Variants in PEAK1 observed in about 807,000 individuals in gnomAD.
The protein encoded by PEAK1 is pseudopodium enriched atypical kinase 1.
Under a neutral mutation model 124.7 loss-of-function variants are expected in PEAK1, and 54 were observed. The observed-to-expected ratio is 0.43, with a 90% CI of 0.35 to 0.54. PEAK1 has a LOEUF of 0.54. Among genes scored for constraint, PEAK1 ranks in the 20% least tolerant of loss-of-function variants. PEAK1 has a pLI of 0.01. For synonymous variants in PEAK1, 719 were observed against 760.0 expected, an observed-to-expected ratio of 0.95 and a Z score of 0.89; for missense variants, 2,046 against 2,134.5, an observed-to-expected ratio of 0.96 and a Z score of 0.82.
chr15:77,196,632 T>C (rs928796863), intron 6 of PEAK1, among the ~76,000 whole-genome samples: 1 of 152,164 alleles, frequency 6.6e-6, no homozygotes, highest in Non-Finnish European at 1.5e-5. Flanking sequence ...GCATGTTAAC[T>C]GGTATACAGC....
At chr15:77,274,512 C>T (rs563438554) in intron 5 of PEAK1, among the ~76,000 whole-genome samples, 1 of 151,988 alleles carries the variant, frequency 6.6e-6, no homozygotes, top group Admixed American at 6.6e-5. Flanking sequence ...TGAAACAGTG[C>T]TCAACATCAC....
At chr15:77,154,056 C>T (rs1175186417) in intron 8 of PEAK1, among the ~76,000 whole-genome samples, 1 of 152,126 alleles carries the variant, frequency 6.6e-6, no homozygotes, top group Non-Finnish European at 1.5e-5. Context: ...CTTTCTGTCT[C>T]GTTGATCTGT....
chr15:77,417,522 G>A (rs545590563), intron 1 of PEAK1: 191 of 984,872 alleles, frequency 1.9e-4, no homozygotes, highest in Non-Finnish European at 2.2e-4. Context: ...ACAGAATAAC[G>A]CTCATCACAC....
At chr15:77,194,297 T>C (rs567028215) in intron 6 of PEAK1, among the ~76,000 whole-genome samples, 1 of 152,354 alleles carries the variant, frequency 6.6e-6, no homozygotes, top group South Asian at 2.1e-4. Flanking sequence ...GTATATTTTG[T>C]GTCCCAGTTC....
chr15:77,273,870 T>G (rs769117371), intron 5 of PEAK1, among the ~76,000 whole-genome samples: 1 of 152,082 alleles, frequency 6.6e-6, no homozygotes, highest in Admixed American at 6.6e-5. Flanking sequence ...ATTACCCAAC[T>G]TCAAACGATA....
At chr15:77,343,335 G>A (rs567710087) in intron 2 of PEAK1, among the ~76,000 whole-genome samples, 91 of 152,104 alleles carry the variant, frequency 6.0e-4, no homozygotes, top group Admixed American at 2.4e-3. Flanking sequence ...GTGAGTTATA[G>A]GAATTTTTTT....
At chr15:77,129,599 C>CTTTTTTTTTTTT (rs148499293) in intron 9 of PEAK1, among the ~76,000 whole-genome samples, 1 of 130,004 alleles carries the variant, frequency 7.7e-6, no homozygotes. Flanking sequence ...CAATGACTGG[C>CTTTTTTTTTTTT]TATTTTTTTT....
At chr15:77,343,436 G>A (rs1406367781) in intron 2 of PEAK1, among the ~76,000 whole-genome samples, 1 of 148,730 alleles carries the variant, frequency 6.7e-6, no homozygotes, top group Non-Finnish European at 1.5e-5. Context: ...TGTTAATAGT[G>A]TCCTTTGATG....
chr15:77,215,256 T>C (rs1022858737), intron 6 of PEAK1, among the ~76,000 whole-genome samples: 1 of 152,204 alleles, frequency 6.6e-6, no homozygotes, highest in African/African-American at 2.4e-5. Context: ...GCTTACTGAG[T>C]TGTAAAACTT....
rs74481027 is a variant in PEAK1, at chr15:77,245,363, G to GA, written c.-115+7003dup. ...GAGCAAGACTCTGTCTCAAATAATT[G>GA]AAAAAAAAAAAAGGATGTCTAACTC... On this transcript the variant is annotated intron_variant, in intron 6 of 9. Transcript: ENST00000682557. Among the ~76,000 whole-genome samples the GA allele has an allele frequency of 7.6e-3, 1,021 of 134,340 alleles. 4 individuals carry two copies. The highest frequency in any genetic ancestry group is 1.0e-2 in the Non-Finnish European group (615 of 61,508). The allele number at this position is 134,340 out of a possible 152,430, so 88.1% of individuals were successfully genotyped here.
chr15:77,263,683 G>A (rs2061561335), intron 5 of PEAK1, among the ~76,000 whole-genome samples: 1 of 152,110 alleles, frequency 6.6e-6, no homozygotes, highest in African/African-American at 2.4e-5. Flanking sequence ...GGTACAAGGA[G>A]GAGCTGGTAC....
At chr15:77,311,884 T>C (rs1021979990) in intron 2 of PEAK1, among the ~76,000 whole-genome samples, 2 of 152,036 alleles carry the variant, frequency 1.3e-5, no homozygotes, top group Non-Finnish European at 2.9e-5. Flanking sequence ...CTAGAGACTA[T>C]GCAGAGCCAA....
intron 2 of PEAK1, among the ~76,000 whole-genome samples, chr15:77,298,036 G>T (rs1254869989): frequency 3.4e-5 from 4 of 118,468 alleles, no homozygotes; most frequent in Admixed American, 3.1e-4. Context: ...CTGCAGTCCG[G>T]CCTGGGCGAC....
chr15:77,376,127 A>C (rs1428553796), intron 1 of PEAK1, among the ~76,000 whole-genome samples: 1 of 151,976 alleles, frequency 6.6e-6, no homozygotes, highest in Non-Finnish European at 1.5e-5. Flanking sequence ...CACATAACAA[A>C]AAAGAAAATG....
chr15:77,236,591 G>A (rs1033791686), intron 6 of PEAK1, among the ~76,000 whole-genome samples: 4 of 152,082 alleles, frequency 2.6e-5, no homozygotes, highest in Admixed American at 6.6e-5. Flanking sequence ...CTTTGGAGTC[G>A]GGCTTTTGAG....
At chr15:77,307,841 T>C (rs1284116368) in intron 2 of PEAK1, among the ~76,000 whole-genome samples, 1 of 152,022 alleles carries the variant, frequency 6.6e-6, no homozygotes, top group Non-Finnish European at 1.5e-5. Context: ...TCTCAAATTT[T>C]GAGTATATAG....
Position 77,113,855 on chromosome 15 carries a change from C to T in PEAK1, c.*301G>A. On this transcript the variant is annotated 3_prime_UTR_variant, in exon 10 of 10. Transcript: ENST00000682557. ...CTGAGTTCATACCAAAGAAGCTGTC[C>T]CTTCAAGAATATGGATTTTCATTTT... 1 of 362,550 alleles carries T rather than the reference C, an allele frequency of 2.8e-6. No homozygotes were observed. The highest frequency in any genetic ancestry group is 4.4e-5 in the South Asian group (1 of 22,566). 22.5% of individuals were successfully genotyped at this position (362,550 alleles called of 1,614,324 possible). A position where few individuals can be genotyped will look rare whatever the true frequency, so the allele number is the denominator to read the frequency against.
chr15:77,415,975 T>C (rs1403905147), intron 1 of PEAK1, among the ~76,000 whole-genome samples: 1 of 152,208 alleles, frequency 6.6e-6, no homozygotes, highest in Non-Finnish European at 1.5e-5. Flanking sequence ...GTTGAAAACA[T>C]TGTACCCCTC....
rs1208415220 is a variant in PEAK1 at position 77,181,486 on chromosome 15, A to C, written c.441T>G (p.Asn147Lys). 1.2e-6 allele frequency: 2 copies of C among 1,614,106 alleles called. No homozygotes were observed. The highest frequency in any genetic ancestry group is 1.7e-6 in the Non-Finnish European group (2 of 1,180,000). The change falls in exon 7 of 10, where the codon AAT becomes AAG. Residue 147 changes from asparagine to lysine, a missense_variant. Asn to Lys is a moderately conservative substitution (Grantham distance 94). Transcript: ENST00000682557. ...TCTCCTTTAACACTTCAGTTAGTCC[A>C]TTATTGTTATCTGACATCTTCTTTG... ...DSAKKMSDNN[N>K]GLTEVLKEIA...
Sources: gnomAD v4.1 joint callset for allele counts (sites outside exome capture counted in the v4.1 genomes callset) on GRCh38, gnomAD v4.1.1 for gene constraint, MANE v1.5 for transcripts, NCBI Gene and HGNC (gene_info 2026-07-23, HGNC 2026-07-21) for gene names.